The following FMN1 variants were observed in gnomAD, a reference collection of about 807,000 sequenced individuals.
The protein encoded by FMN1 is formin 1.
In FMN1, 110 loss-of-function variants were observed where a neutral mutation model predicts 132.4. The observed-to-expected ratio is 0.83, with a 90% CI of 0.71 to 0.97. FMN1 has a LOEUF of 0.97. Ranked by LOEUF, FMN1 falls within the 50% of genes least tolerant of loss-of-function variation. FMN1 has a pLI of 0.00. For synonymous variants in FMN1, 722 were observed against 651.7 expected (o/e 1.11, Z -1.64); for missense variants, 1,792 against 1,705.3 (o/e 1.05, Z -0.90).
At chr15:33,067,948 T>A in intron 5 of FMN1, 1 of 1,530,510 alleles carries the variant, frequency 6.5e-7, no homozygotes, top group Non-Finnish European at 8.7e-7. Context: ...TCTCAGTTTA[T>A]CCACTCCATC....
At chr15:32,876,433 A>T (rs566370351) in intron 16 of FMN1, among the ~76,000 whole-genome samples, 1 of 152,338 alleles carries the variant, frequency 6.6e-6, no homozygotes, top group South Asian at 2.1e-4. Context: ...AAAAATGGAA[A>T]AACCAGTGAA....
intron 4 of FMN1, among the ~76,000 whole-genome samples, chr15:33,101,993 C>T (rs1246410954): frequency 2.0e-5 from 3 of 152,138 alleles, no homozygotes; most frequent in Admixed American, 6.6e-5. Context: ...AAGTGCTACC[C>T]ATCCTTCAGC....
rs2056306013 is a variant in FMN1, at chr15:32,773,152, G to GA, written c.*1157dup. ...TTATGTGACTCAAGAGCCAGGGTCA[G>GA]AAAGAGCTGCCTGTGAACAATATTC... On this transcript the variant is annotated 3_prime_UTR_variant, in exon 21 of 21. Transcript: ENST00000616417. 1 of 152,204 alleles carries GA rather than the reference G, an allele frequency of 6.6e-6. No individual in the cohort carries two copies. 9.4% of individuals were successfully genotyped at this position (152,204 alleles called of 1,614,324 possible).
intron 6 of FMN1, among the ~76,000 whole-genome samples, chr15:33,033,241 A>G (rs886612167): frequency 5.9e-5 from 9 of 152,112 alleles, no homozygotes; most frequent in African/African-American, 1.2e-4. Context: ...CGTGTTAGCC[A>G]GGATAGTCTT....
rs541870921 is a variant in FMN1, at chr15:33,173,239, C to T, written c.-132+6959G>A. Among the ~76,000 whole-genome samples the T allele has an allele frequency of 2.6e-5, 4 of 151,936 alleles. No homozygotes were observed. In the East Asian group the frequency reaches 5.8e-4, roughly 22 times the overall value. On this transcript the variant is annotated intron_variant, in intron 3 of 20. Coordinates refer to ENST00000616417, the MANE Select transcript of FMN1 (RefSeq NM_001277313.2). ...ACAAGGAGGAGGACATAATTGGTTA[C>T]AAGAACCTGGGGAAAGAGGGAAAGT...
At chr15:32,835,826 T>C (rs2058610144) in intron 17 of FMN1, among the ~76,000 whole-genome samples, 1 of 152,190 alleles carries the variant, frequency 6.6e-6, no homozygotes, top group Non-Finnish European at 1.5e-5. Context: ...TCATGCATTA[T>C]CTTTCACACT....
intron 9 of FMN1, among the ~76,000 whole-genome samples, chr15:32,930,292 T>A (rs1405111236): frequency 6.6e-6 from 1 of 152,144 alleles, no homozygotes; most frequent in African/African-American, 2.4e-5. Flanking sequence ...TGGTCTATTT[T>A]TAAATTTTTA....
At chr15:33,038,330 G>GT (rs2036277312) in intron 6 of FMN1, among the ~76,000 whole-genome samples, 1 of 152,214 alleles carries the variant, frequency 6.6e-6, no homozygotes, top group Non-Finnish European at 1.5e-5. Context: ...CATCTTCTGT[G>GT]TTTAAAAATG....
chr15:32,842,070 C>T (rs1027852689), intron 17 of FMN1, among the ~76,000 whole-genome samples: 2 of 152,200 alleles, frequency 1.3e-5, no homozygotes, highest in Non-Finnish European at 2.9e-5. Flanking sequence ...TCTATTCACT[C>T]CCTTAAAACT....
rs1308147982 is a variant in FMN1, at chr15:32,969,064, C to T, written c.2637G>A (p.Pro879=). 7.8e-6 allele frequency: 11 copies of T among 1,409,540 alleles called. No individual in the cohort carries two copies. Among genetic ancestry groups the T allele is most frequent in the South Asian group, 2.5e-5 (2 of 79,570 alleles). 87.3% of individuals were successfully genotyped at this position (1,409,540 alleles called of 1,614,324 possible). ...PPPPASIPPP[P]PLPSGLGSLS... ...AAGATCCAAGTCCTGAGGGGAGGGG[C>T]GGAGGGGGAGGGATGGATGCGGGAG... Residue 879 remains proline, a synonymous_variant, in exon 8 of 21, where the codon CCG becomes CCA. Coordinates refer to ENST00000616417, the MANE Select transcript of FMN1 (RefSeq NM_001277313.2).
At chr15:32,820,711 G>A (rs934018219) in intron 17 of FMN1, among the ~76,000 whole-genome samples, 1 of 152,128 alleles carries the variant, frequency 6.6e-6, no homozygotes, top group Non-Finnish European at 1.5e-5. Flanking sequence ...CACAATGATA[G>A]TATAATTTAA....
Position 32,898,905 on chromosome 15 carries a change from A to G in FMN1, c.3655-12T>C. On this transcript the variant is annotated splice_polypyrimidine_tract_variant and intron_variant, in intron 14 of 20. Transcript: ENST00000616417. ...TTAATCCCATTATCCTAGGTTTAAA[A>G]GAGAAATGTACATGAAAATCATTCC... The G allele has an allele frequency of 1.9e-6, 3 of 1,550,364 alleles. No individual in the cohort carries two copies. The highest frequency in any genetic ancestry group is 4.5e-5 in the East Asian group (2 of 44,418).
Position 32,770,178 on chromosome 15 carries a change from T to G in FMN1, c.*4132A>C, listed in dbSNP as rs1320604156. 1 of 152,142 alleles carries G rather than the reference T, an allele frequency of 6.6e-6. No homozygotes were observed. Among genetic ancestry groups the G allele is most frequent in the Non-Finnish European group, 1.5e-5 (1 of 68,026 alleles). The allele number at this position is 152,142 out of a possible 1,614,324, so 9.4% of individuals were successfully genotyped here. On this transcript the variant is annotated 3_prime_UTR_variant, in exon 21 of 21. Transcript: ENST00000616417. ...TTGACCAATTTAGTATGTCAGGGAA[T>G]GAAGAGGTTCCCCGGTCAATGTTAC...
chr15:33,141,749 C>A (rs1246627370), intron 4 of FMN1, among the ~76,000 whole-genome samples: 2 of 152,144 alleles, frequency 1.3e-5, no homozygotes, highest in Non-Finnish European at 2.9e-5. Flanking sequence ...TACCTCCCCC[C>A]TTGCAGCTGA....
chr15:33,091,829 T>C (rs746121785), intron 4 of FMN1, among the ~76,000 whole-genome samples: 31 of 152,160 alleles, frequency 2.0e-4, no homozygotes, highest in Admixed American at 1.1e-3. Flanking sequence ...TCATCTGAAA[T>C]TAGATAAATA....
At chr15:32,994,587 A>G (rs1387407191) in intron 7 of FMN1, among the ~76,000 whole-genome samples, 1 of 152,162 alleles carries the variant, frequency 6.6e-6, no homozygotes, top group African/African-American at 2.4e-5. Context: ...CTCTGAATGG[A>G]CTACAAGCTC....
chr15:32,999,109 T>C (rs1291969284), intron 7 of FMN1, among the ~76,000 whole-genome samples: 2 of 152,238 alleles, frequency 1.3e-5, no homozygotes, highest in Non-Finnish European at 2.9e-5. Flanking sequence ...GGCATCTCAG[T>C]AATGAATTAC....
chr15:33,044,275 T>C (rs966189609), intron 6 of FMN1, among the ~76,000 whole-genome samples: 2 of 152,180 alleles, frequency 1.3e-5, no homozygotes, highest in African/African-American at 4.8e-5. Context: ...GCAGACAGGT[T>C]CCTGGGTGAA....
intron 4 of FMN1, among the ~76,000 whole-genome samples, chr15:33,096,945 C>T (rs1255145336): frequency 1.3e-5 from 2 of 152,094 alleles, no homozygotes; most frequent in African/African-American, 4.8e-5. Flanking sequence ...TTGATAATGT[C>T]CCATAGGTCA....
Sources: gnomAD v4.1 joint callset for allele counts (sites outside exome capture counted in the v4.1 genomes callset) on GRCh38, gnomAD v4.1.1 for gene constraint, MANE v1.5 for transcripts, NCBI Gene and HGNC (gene_info 2026-07-23, HGNC 2026-07-21) for gene names.